Variants in RBFOX1 observed in about 807,000 individuals in gnomAD.
RBFOX1 encodes the protein RNA binding protein fox-1 homolog 1.
In RBFOX1, 8 loss-of-function variants were observed where a neutral mutation model predicts 57.7. The ratio of observed to expected loss-of-function variants is 0.14; its 90% CI spans 0.08 to 0.25. The LOEUF (loss-of-function observed/expected upper bound fraction) is 0.25, where lower values mean the gene tolerates loss of function less well. RBFOX1 is among the 10% of genes least tolerant of loss of function. The pLI, the probability that RBFOX1 is intolerant of heterozygous loss-of-function variation, is 1.00. For synonymous variants in RBFOX1, 326 were observed against 222.4 expected, an observed-to-expected ratio of 1.47 and a Z score of -4.15; for missense variants, 611 against 548.5, an observed-to-expected ratio of 1.11 and a Z score of -1.14.
At chr16:7,006,011 G>A (rs1452061676) in intron 3 of RBFOX1, among the ~76,000 whole-genome samples, 1 of 152,130 alleles carries the variant, frequency 6.6e-6, no homozygotes, top group African/African-American at 2.4e-5. Flanking sequence ...AAGCTGGACA[G>A]CATCTTACTG....
intron 4 of RBFOX1, among the ~76,000 whole-genome samples, chr16:7,392,322 A>T (rs776601678): frequency 2.0e-4 from 30 of 152,152 alleles, no homozygotes; most frequent in Non-Finnish European, 8.8e-5. Context: ...CACGTCCCAA[A>T]ATTATAATGA....
At chr16:6,962,618 G>T (rs922907415) in intron 3 of RBFOX1, among the ~76,000 whole-genome samples, 2 of 152,062 alleles carry the variant, frequency 1.3e-5, no homozygotes, top group Non-Finnish European at 2.9e-5. Context: ...TAATCCCAGG[G>T]CTTTGGGAGG....
At chr16:6,686,985 C>G (rs897200135) in intron 3 of RBFOX1, among the ~76,000 whole-genome samples, 1 of 152,138 alleles carries the variant, frequency 6.6e-6, no homozygotes, top group Admixed American at 6.5e-5. Flanking sequence ...TTATATATAA[C>G]AAACCAATAA....
intron 4 of RBFOX1, among the ~76,000 whole-genome samples, chr16:7,504,292 G>A (rs558924260): frequency 2.0e-5 from 3 of 151,990 alleles, no homozygotes; most frequent in South Asian, 4.2e-4. Context: ...GCAAGCATGT[G>A]GTTTAAGCCC....
intron 4 of RBFOX1, among the ~76,000 whole-genome samples, chr16:5,907,393 T>C (rs2058486822): frequency 6.6e-6 from 1 of 152,054 alleles, no homozygotes; most frequent in African/African-American, 2.4e-5. Context: ...AAAACCATTC[T>C]CCCAGAGTCA....
chr16:6,846,097 A>G (rs1420746395), intron 3 of RBFOX1, among the ~76,000 whole-genome samples: 1 of 152,112 alleles, frequency 6.6e-6, no homozygotes, highest in African/African-American at 2.4e-5. Flanking sequence ...TACCACTAAA[A>G]TATAGGTATA....
intron 4 of RBFOX1, among the ~76,000 whole-genome samples, chr16:7,343,472 GT>G (rs1225139321): frequency 6.6e-6 from 1 of 152,158 alleles, no homozygotes; most frequent in Non-Finnish European, 1.5e-5. Context: ...CTTTGTTGAG[GT>G]TTAAAAGGGC....
chr16:5,336,399 T>C (rs1490155688), intron 1 of RBFOX1, among the ~76,000 whole-genome samples: 4 of 152,094 alleles, frequency 2.6e-5, no homozygotes, highest in Non-Finnish European at 4.4e-5. Context: ...ACTATCCTCA[T>C]CGGTAAAACA....
At chr16:7,541,462 G>GT (rs1555570953) in intron 5 of RBFOX1, among the ~76,000 whole-genome samples, 3,200 of 147,926 alleles carry the variant, frequency 0.022, 53 homozygotes, top group African/African-American at 0.045. Context: ...TTTTTATCAG[G>GT]TTTTTTTTTT....
intron 4 of RBFOX1, among the ~76,000 whole-genome samples, chr16:5,973,541 G>A (rs79501521): frequency 0.01 from 1,532 of 152,252 alleles, 28 homozygotes; most frequent in African/African-American, 0.033. Context: ...GACCAGTCTC[G>A]ATTTATTACT....
chr16:6,620,155 GCAC>G (rs2098207044), intron 2 of RBFOX1, among the ~76,000 whole-genome samples: 1 of 152,016 alleles, frequency 6.6e-6, no homozygotes, highest in South Asian at 2.1e-4. Context: ...ACAGTCTCTT[GCAC>G]CACAGCATAA....
chr16:5,897,137 G>GCGATT (rs1472246919), intron 4 of RBFOX1, among the ~76,000 whole-genome samples: 3 of 147,598 alleles, frequency 2.0e-5, no homozygotes. Flanking sequence ...CCGGGTTCAA[G>GCGATT]CGATTCTCCC....
At chr16:6,795,431 A>ATT (rs199918043) in intron 3 of RBFOX1, among the ~76,000 whole-genome samples, 3 of 151,898 alleles carry the variant, frequency 2.0e-5, no homozygotes, top group Admixed American at 1.3e-4. Context: ...ATTAATTCCC[A>ATT]TTTTTTTTAA....
At chr16:6,491,254 A>T (rs1399987496) in intron 2 of RBFOX1, among the ~76,000 whole-genome samples, 1 of 151,646 alleles carries the variant, frequency 6.6e-6, no homozygotes, top group African/African-American at 2.4e-5. Flanking sequence ...GAAAGAAAGA[A>T]TGGGAAGTTG....
chr16:7,353,748 G>A (rs980158041), intron 4 of RBFOX1, among the ~76,000 whole-genome samples: 1 of 152,186 alleles, frequency 6.6e-6, no homozygotes, highest in Non-Finnish European at 1.5e-5. Flanking sequence ...GAAATGTTCA[G>A]CATAAGCAAA....
rs565248640 is a variant in RBFOX1, at chr16:6,512,283, C to CAAAAA, written c.-63-142308_-63-142304dup. On this transcript the variant is annotated intron_variant, in intron 2 of 15. Coordinates refer to ENST00000550418, the MANE Select transcript of RBFOX1 (RefSeq NM_018723.4). ...TGGGTAACAGAGCAAGACCCTGTAT[C>CAAAAA]AAAAAAAAAAAAAAAAGGTAAGAGA... Among the ~76,000 whole-genome samples the CAAAAA allele has an allele frequency of 2.4e-3, 213 of 86,958 alleles. 6 individuals carry two copies. Among genetic ancestry groups the CAAAAA allele is most frequent in the African/African-American group, 7.8e-3 (157 of 20,162 alleles). 57.0% of individuals were successfully genotyped at this position (86,958 alleles called of 152,430 possible).
chr16:6,873,666 A>G (rs2153275943), intron 3 of RBFOX1, among the ~76,000 whole-genome samples: 1 of 152,332 alleles, frequency 6.6e-6, no homozygotes, highest in East Asian at 1.9e-4. Flanking sequence ...ATAGGTTTAG[A>G]AGGAAAATGT....
chr16:7,428,770 C>G (rs1483446447), intron 4 of RBFOX1, among the ~76,000 whole-genome samples: 1 of 151,898 alleles, frequency 6.6e-6, no homozygotes, highest in Admixed American at 6.6e-5. Context: ...CTTTCTTTCT[C>G]TTTTATTTTG....
At chr16:7,550,573 T>C (rs1448770080) in intron 5 of RBFOX1, among the ~76,000 whole-genome samples, 3 of 152,164 alleles carry the variant, frequency 2.0e-5, no homozygotes, top group African/African-American at 7.2e-5. Flanking sequence ...TAAATGATGC[T>C]TTTCATATTA....
Sources: gnomAD v4.1 joint callset for allele counts (sites outside exome capture counted in the v4.1 genomes callset) on GRCh38, gnomAD v4.1.1 for gene constraint, MANE v1.5 for transcripts, NCBI Gene and HGNC (gene_info 2026-07-23, HGNC 2026-07-21) for gene names.